KLHL1: variants seen among roughly 807,000 people sequenced by gnomAD.
KLHL1 encodes the protein kelch-like protein 1.
In KLHL1, 47 loss-of-function variants were observed where a neutral mutation model predicts 77.7. That is an observed-to-expected ratio of 0.60 (90% CI 0.48 to 0.77). The LOEUF is 0.77. KLHL1 is among the 30% of genes least tolerant of loss of function. The pLI is 0.00. For missense variants in KLHL1, 925 were observed against 910.8 expected (o/e 1.02, Z -0.20); for synonymous variants, 360 against 325.2 (o/e 1.11, Z -1.15).
intron 9 of KLHL1, among the ~76,000 whole-genome samples, chr13:69,712,984 T>C (rs1167826889): frequency 6.6e-6 from 1 of 151,904 alleles, no homozygotes; most frequent in Non-Finnish European, 1.5e-5. Context: ...TAATTTTTTA[T>C]TTTTATTATT....
intron 1 of KLHL1, among the ~76,000 whole-genome samples, chr13:70,098,913 C>T (rs1317550715): frequency 2.6e-5 from 4 of 151,320 alleles, no homozygotes; most frequent in African/African-American, 9.7e-5. Context: ...TTTTAGGACA[C>T]CTATAGATGG....
At chr13:70,075,040 A>C (rs1887228031) in intron 1 of KLHL1, among the ~76,000 whole-genome samples, 1 of 152,104 alleles carries the variant, frequency 6.6e-6, no homozygotes. Flanking sequence ...ATGAACTGAC[A>C]AAAGTCAGAT....
chr13:69,868,684 G>A (rs74416020), intron 5 of KLHL1, among the ~76,000 whole-genome samples: 8,995 of 151,976 alleles, frequency 0.059, 418 homozygotes, highest in African/African-American at 0.12. Context: ...ATTTCAACAC[G>A]TGTTAAATGT....
intron 8 of KLHL1, 146 bp downstream of exon 8, chr13:69,740,248 C>G: frequency 1.8e-6 from 1 of 571,420 alleles, no homozygotes; most frequent in Non-Finnish European, 3.0e-6. Context: ...GAGAGAGCAC[C>G]AGTCTTTATT....
At chr13:69,862,994 T>C (rs1002967705) in intron 5 of KLHL1, among the ~76,000 whole-genome samples, 1 of 152,274 alleles carries the variant, frequency 6.6e-6, no homozygotes, top group East Asian at 1.9e-4. Context: ...AGTATGTTTT[T>C]ATGTTAAAAT....
chr13:69,882,853 T>C (rs1311982692), intron 4 of KLHL1, among the ~76,000 whole-genome samples: 1 of 152,164 alleles, frequency 6.6e-6, no homozygotes, highest in Admixed American at 6.5e-5. Flanking sequence ...TGACTATATA[T>C]GTAGACATAT....
intron 6 of KLHL1, among the ~76,000 whole-genome samples, chr13:69,818,942 T>A (rs1878232441): frequency 6.6e-6 from 1 of 152,236 alleles, no homozygotes; most frequent in African/African-American, 2.4e-5. Context: ...TATTTTAATG[T>A]TATTTCTCCA....
At chr13:70,004,078 G>A (rs1885354454) in intron 1 of KLHL1, among the ~76,000 whole-genome samples, 1 of 151,704 alleles carries the variant, frequency 6.6e-6, no homozygotes, top group African/African-American at 2.4e-5. Flanking sequence ...TTTTATCTGA[G>A]GCCTACCTTT....
rs1172258314 is a variant in KLHL1, at chr13:69,778,792, CTTTT to C, written c.1639+17942_1639+17945del. ...AATATTGAAGGCAGGTATTCCCTCT[CTTTT>C]TTTTTTTTTTTTTTTTTTTTGAGAT... is the stretch of plus-strand genomic sequence containing the variant. On this transcript the variant is annotated intron_variant, in intron 7 of 10. Coordinates refer to ENST00000377844, the MANE Select transcript of KLHL1 (RefSeq NM_020866.3). Among the ~76,000 whole-genome samples, 631 of 99,160 alleles carry C rather than the reference CTTTT, an allele frequency of 6.4e-3. 2 individuals are homozygous for C. The highest frequency in any genetic ancestry group is 0.024 in the African/African-American group (574 of 23,780). 65.1% of individuals were successfully genotyped at this position (99,160 alleles called of 152,430 possible).
chr13:69,899,482 G>A (rs1881781565), intron 4 of KLHL1, among the ~76,000 whole-genome samples: 1 of 152,106 alleles, frequency 6.6e-6, no homozygotes, highest in Non-Finnish European at 1.5e-5. Flanking sequence ...CCCCTTACAA[G>A]AAATTTGTGA....
intron 4 of KLHL1, among the ~76,000 whole-genome samples, chr13:69,939,032 T>G (rs1222367856): frequency 6.6e-5 from 10 of 151,712 alleles, no homozygotes; most frequent in Non-Finnish European, 1.5e-4. Context: ...ACTTCATTAG[T>G]TGTTTCAATA....
intron 4 of KLHL1, among the ~76,000 whole-genome samples, chr13:69,896,041 C>T (rs9529650): frequency 0.89 from 135,342 of 151,958 alleles, 61,120 homozygotes; most frequent in South Asian, 0.98. Flanking sequence ...ATTCACATTG[C>T]TGGTAGAATT....
At chr13:70,014,329 G>C (rs1357774343) in intron 1 of KLHL1, among the ~76,000 whole-genome samples, 1 of 152,034 alleles carries the variant, frequency 6.6e-6, no homozygotes, top group African/African-American at 2.4e-5. Flanking sequence ...AAAAAAGAGA[G>C]TAAACACTGA....
chr13:69,788,516 T>G (rs1261409218), intron 7 of KLHL1, among the ~76,000 whole-genome samples: 1 of 151,612 alleles, frequency 6.6e-6, no homozygotes, highest in Non-Finnish European at 1.5e-5. Context: ...TGTTGTGGGG[T>G]CAGGGGAGGT....
chr13:69,755,626 G>C (rs1566216474), intron 7 of KLHL1, among the ~76,000 whole-genome samples: 2 of 151,480 alleles, frequency 1.3e-5, no homozygotes, highest in Non-Finnish European at 2.9e-5. Context: ...CTTTATATTT[G>C]AATTCATCTC....
intron 9 of KLHL1, 36 bp from the exon 10 acceptor site, chr13:69,707,832 A>T: frequency 4.0e-6 from 6 of 1,509,720 alleles, no homozygotes; most frequent in Non-Finnish European, 5.4e-6. Context: ...AACATATTCT[A>T]ATCACATTCA....
At chr13:69,737,447 G>C (rs1159727200) in intron 8 of KLHL1, among the ~76,000 whole-genome samples, 1 of 152,338 alleles carries the variant, frequency 6.6e-6, no homozygotes, top group South Asian at 2.1e-4. Context: ...GGAATCTCTG[G>C]CGGCCAGCAC....
chr13:69,759,347 CAG>C (rs1263198733), intron 7 of KLHL1, among the ~76,000 whole-genome samples: 1 of 152,174 alleles, frequency 6.6e-6, no homozygotes, highest in African/African-American at 2.4e-5. Context: ...AAAAATATTA[CAG>C]AACCAATAGT....
At chr13:69,772,535 C>T (rs1257087154) in intron 7 of KLHL1, among the ~76,000 whole-genome samples, 1 of 152,098 alleles carries the variant, frequency 6.6e-6, no homozygotes, top group African/African-American at 2.4e-5. Context: ...TCTCAATGAA[C>T]TAAATTGAAT....
Sources: gnomAD v4.1 joint callset for allele counts (sites outside exome capture counted in the v4.1 genomes callset) on GRCh38, gnomAD v4.1.1 for gene constraint, MANE v1.5 for transcripts, NCBI Gene and HGNC (gene_info 2026-07-23, HGNC 2026-07-21) for gene names.